The following KLHL1 variants were observed in gnomAD, a reference collection of about 807,000 sequenced individuals.
The protein encoded by KLHL1 is kelch-like protein 1.
KLHL1 carries 47 observed loss-of-function variants against 77.7 expected under a neutral mutation model. The ratio of observed to expected loss-of-function variants is 0.60; its 90% CI spans 0.48 to 0.77. KLHL1 has a LOEUF of 0.77. KLHL1 is among the 30% of genes least tolerant of loss of function. The probability of loss-of-function intolerance (pLI) is 0.00; values close to 1 mark genes in which losing one functional copy is unlikely to be tolerated. For missense variants in KLHL1, 925 were observed against 910.8 expected, an observed-to-expected ratio of 1.02 and a Z score of -0.20; for synonymous variants, 360 against 325.2, an observed-to-expected ratio of 1.11 and a Z score of -1.15.
At chr13:69,961,855 A>C (rs1432553220) in intron 2 of KLHL1, among the ~76,000 whole-genome samples, 4 of 152,012 alleles carry the variant, frequency 2.6e-5, no homozygotes, top group Non-Finnish European at 5.9e-5. Flanking sequence ...TGTGCCAATA[A>C]AATAGTATTT....
chr13:69,910,766 A>G (rs1177002833), intron 4 of KLHL1, among the ~76,000 whole-genome samples: 1 of 151,978 alleles, frequency 6.6e-6, no homozygotes, highest in African/African-American at 2.4e-5. Context: ...ACTCATACAA[A>G]TATAAAATAG....
chr13:69,799,611 AG>A (rs1263826365), intron 6 of KLHL1, among the ~76,000 whole-genome samples: 1 of 152,218 alleles, frequency 6.6e-6, no homozygotes, highest in African/African-American at 2.4e-5. Context: ...GCTACTGTTA[AG>A]AATATTTCCA....
chr13:70,086,572 C>CA (rs1211467536), intron 1 of KLHL1, among the ~76,000 whole-genome samples: 5 of 36,748 alleles, frequency 1.4e-4, no homozygotes, highest in African/African-American at 4.7e-4. Context: ...AGCTCTGTCT[C>CA]AAAAAAAAAA....
intron 1 of KLHL1, among the ~76,000 whole-genome samples, chr13:69,977,577 A>G (rs1884581789): frequency 6.6e-6 from 1 of 152,146 alleles, no homozygotes; most frequent in African/African-American, 2.4e-5. Flanking sequence ...GACAAAAGCC[A>G]TGTGAGGAAA....
chr13:69,844,405 T>G (rs1001545969), intron 5 of KLHL1, among the ~76,000 whole-genome samples: 1 of 151,734 alleles, frequency 6.6e-6, no homozygotes, highest in East Asian at 1.9e-4. Context: ...TTTGACAAAC[T>G]AAATTACTTA....
chr13:69,774,219 TAC>T lies in KLHL1; in HGVS notation c.1639+22517_1639+22518del, dbSNP rs1478986059. Among the ~76,000 whole-genome samples, 2 of 151,890 alleles carry T rather than the reference TAC, an allele frequency of 1.3e-5. 1 individual carries two copies. Among genetic ancestry groups the T allele is most frequent in the East Asian group, 3.9e-4 (2 of 5,192 alleles). ...TAATGAACTATTTTTTGTAATAATATACAAACTCACAGATACAAATAGAGTTC... is the reference window on the plus strand; with the variant it reads ...TAATGAACTATTTTTTGTAATAATATAAACTCACAGATACAAATAGAGTTC... On this transcript the variant is annotated intron_variant, in intron 7 of 10. Coordinates refer to ENST00000377844, the MANE Select transcript of KLHL1 (RefSeq NM_020866.3).
intron 7 of KLHL1, among the ~76,000 whole-genome samples, chr13:69,788,242 C>CAAAG (rs1398181215): frequency 1.3e-5 from 2 of 152,120 alleles, no homozygotes; most frequent in African/African-American, 2.4e-5. Context: ...TTCACAATAG[C>CAAAG]AAAGACTTGG....
At chr13:70,041,634 T>A (rs1593697289) in intron 1 of KLHL1, among the ~76,000 whole-genome samples, 1 of 151,792 alleles carries the variant, frequency 6.6e-6, no homozygotes, top group Admixed American at 6.6e-5. Context: ...AGTGGAGGGG[T>A]GGTCTTATCA....
At chr13:70,039,407 CT>C (rs1319360350) in intron 1 of KLHL1, among the ~76,000 whole-genome samples, 1 of 151,942 alleles carries the variant, frequency 6.6e-6, no homozygotes, top group Non-Finnish European at 1.5e-5. Flanking sequence ...TCTAATTTGA[CT>C]TTTTGTTTAT....
intron 7 of KLHL1, among the ~76,000 whole-genome samples, chr13:69,783,073 A>G (rs1876315997): frequency 6.6e-6 from 1 of 152,224 alleles, no homozygotes; most frequent in Non-Finnish European, 1.5e-5. Context: ...AACGGTCTGG[A>G]GTGGACCTCT....
rs370020135 is a variant in KLHL1 at position 69,824,245 on chromosome 13, A to G, written c.1414+14731T>C. Among the ~76,000 whole-genome samples the G allele has an allele frequency of 3.9e-5, 6 of 152,226 alleles. No individual in the cohort carries two copies. The East Asian group carries it at 7.7e-4, about 20-fold the overall frequency. ...CCGAAAGTCCAGGTTGTTACACAACATATGAAATGTTATTAGTAGAAAAGA... is the reference window on the plus strand; with the variant it reads ...CCGAAAGTCCAGGTTGTTACACAACGTATGAAATGTTATTAGTAGAAAAGA... On this transcript the variant is annotated intron_variant, in intron 6 of 10. Transcript: ENST00000377844.
At chr13:70,088,566 C>A (rs1887598993) in intron 1 of KLHL1, among the ~76,000 whole-genome samples, 1 of 152,172 alleles carries the variant, frequency 6.6e-6, no homozygotes, top group South Asian at 2.1e-4. Flanking sequence ...GCCTATATCT[C>A]CAGCTATTTA....
At chr13:69,922,993 A>G (rs1289685298) in intron 4 of KLHL1, among the ~76,000 whole-genome samples, 1 of 152,228 alleles carries the variant, frequency 6.6e-6, no homozygotes, top group East Asian at 1.9e-4. Context: ...ATGAATTTCA[A>G]TATTACATAA....
intron 1 of KLHL1, among the ~76,000 whole-genome samples, chr13:70,095,289 A>G (rs1330348438): frequency 6.6e-6 from 1 of 152,194 alleles, no homozygotes; most frequent in Non-Finnish European, 1.5e-5. Context: ...AAGAGGAAAT[A>G]TAATGATATG....
chr13:69,773,333 T>A (rs1386524310), intron 7 of KLHL1, among the ~76,000 whole-genome samples: 1 of 152,052 alleles, frequency 6.6e-6, no homozygotes, highest in African/African-American at 2.4e-5. Context: ...TGATGAATAG[T>A]CAGAAAGTCT....
chr13:70,075,901 A>C (rs1887258370), intron 1 of KLHL1, among the ~76,000 whole-genome samples: 1 of 151,066 alleles, frequency 6.6e-6, no homozygotes, highest in South Asian at 2.1e-4. Flanking sequence ...TCATTAACAC[A>C]AAATGAAATA....
intron 6 of KLHL1, among the ~76,000 whole-genome samples, chr13:69,815,541 T>C (rs1163462396): frequency 6.6e-6 from 1 of 152,076 alleles, no homozygotes; most frequent in African/African-American, 2.4e-5. Flanking sequence ...CAAGTAACAC[T>C]GGGGATTCCA....
intron 1 of KLHL1, among the ~76,000 whole-genome samples, chr13:70,054,665 G>C (rs183871501): frequency 1.6e-3 from 239 of 150,816 alleles, no homozygotes; most frequent in African/African-American, 5.4e-3. Flanking sequence ...CAAAATTCAA[G>C]ATAACCCAGA....
At chr13:69,790,834 G>A (rs1176474049) in intron 7 of KLHL1, among the ~76,000 whole-genome samples, 1 of 152,118 alleles carries the variant, frequency 6.6e-6, no homozygotes, top group Non-Finnish European at 1.5e-5. Flanking sequence ...TGGATCACCT[G>A]AGGTCAGGAG....
Sources: gnomAD v4.1 joint callset for allele counts (sites outside exome capture counted in the v4.1 genomes callset) on GRCh38, gnomAD v4.1.1 for gene constraint, MANE v1.5 for transcripts, NCBI Gene and HGNC (gene_info 2026-07-23, HGNC 2026-07-21) for gene names.